NEIL1: variants seen among roughly 807,000 people sequenced by gnomAD.
The protein encoded by NEIL1 is endonuclease 8-like 1.
In NEIL1, 31 loss-of-function variants were observed where a neutral mutation model predicts 44.2. The observed-to-expected ratio is 0.70, with a 90% confidence interval of 0.53 to 0.95. The LOEUF (loss-of-function observed/expected upper bound fraction) is 0.95, where lower values mean the gene tolerates loss of function less well. Among genes scored for constraint, NEIL1 ranks in the 40% least tolerant of loss-of-function variants. The pLI is 0.00. For missense variants in NEIL1, 549 were observed against 515.5 expected, an observed-to-expected ratio of 1.07 and a Z score of -0.63; for synonymous variants, 254 against 209.7, an observed-to-expected ratio of 1.21 and a Z score of -1.83.
chr15:75,348,371 G>GGT (rs1339482628), intron 1 of NEIL1: 1 of 984,884 alleles, frequency 1.0e-6, no homozygotes, highest in Non-Finnish European at 1.2e-6. Context: ...TAAGTGTGGG[G>GGT]GGAGGGGGGC....
Position 75,355,669 on chromosome 15 carries a change from GCACGCACAGGTACCTTAGGAT to G in NEIL1, c.*637_*657del, listed in dbSNP as rs1352299835. ...CTGTGGGGGCTGCAACCCAGACCCT[GCACGCACAGGTACCTTAGGAT>G]CTTGCCCCTACCCACCAAATACCTG... On this transcript the variant is annotated 3_prime_UTR_variant, in exon 10 of 10. Coordinates refer to ENST00000355059, the MANE Select transcript of NEIL1 (RefSeq NM_024608.4). 75 of 514,182 alleles carry G rather than the reference GCACGCACAGGTACCTTAGGAT, an allele frequency of 1.5e-4. No individual in the cohort carries two copies. Among genetic ancestry groups the G allele is most frequent in the African/African-American group, 1.4e-3 (75 of 51,948 alleles). 31.9% of individuals were successfully genotyped at this position (514,182 alleles called of 1,614,324 possible).
Position 75,356,936 on chromosome 15 carries a change from C to T in NEIL1, c.*1902C>T, listed in dbSNP as rs1261286160. 3 of 1,568,776 alleles carry T rather than the reference C, an allele frequency of 1.9e-6. No homozygotes were observed. Among genetic ancestry groups the T allele is most frequent in the Non-Finnish European group, 2.6e-6 (3 of 1,139,788 alleles). Reference sequence around the variant, plus strand: ...CAGATCCAAGACCCACTTGGTGGCCCTGTGCCCCTCTTTGTGCTCCCAGAC... The same window carrying T: ...CAGATCCAAGACCCACTTGGTGGCCTTGTGCCCCTCTTTGTGCTCCCAGAC... On this transcript the variant is annotated 3_prime_UTR_variant, in exon 10 of 10. Transcript: ENST00000355059. The surrounding 1 kb of genome is among the most constrained non-coding windows in gnomAD (Gnocchi z 5.8).
chr15:75,352,638 A>G lies in NEIL1; in HGVS notation c.655A>G (p.Lys219Glu). ...GACCCTGAGCCAGAAGATAAGGACC[A>G]AGCTGCAGAATCCAGACCTGCTGGA... ...ELTLSQKIRTKLQNPDLLELC... is the reference protein window; with the variant it reads ...ELTLSQKIRTELQNPDLLELC... Residue 219 changes from lysine to glutamate, a missense_variant, in exon 5 of 10, where the codon AAG becomes GAG. Transcript: ENST00000355059. 1 of 1,613,492 alleles carries G rather than the reference A, an allele frequency of 6.2e-7. No homozygotes were observed. The highest frequency in any genetic ancestry group is 8.5e-7 in the Non-Finnish European group (1 of 1,179,702).
At chr15:75,354,008 C>A in intron 6 of NEIL1, 142 bp downstream of exon 6, 1 of 1,208,258 alleles carries the variant, frequency 8.3e-7, no homozygotes, top group Non-Finnish European at 1.2e-6. Flanking sequence ...CACACCCCTC[C>A]CCTCCCATGC....
Position 75,349,174 on chromosome 15 carries a change from G to T in NEIL1, c.269G>T (p.Arg90Leu). Residue 90 changes from arginine to leucine, a missense_variant, in exon 2 of 10, where the codon CGC becomes CTC. Arg to Leu is a moderately radical substitution (Grantham distance 102). Transcript: ENST00000355059. ...TCCGGCTCTTTTCAGCTGGTGCCCCGCGAGGAGCTGCCACGCCATGCCCAC... is the reference window on the plus strand; with the variant it reads ...TCCGGCTCTTTTCAGCTGGTGCCCCTCGAGGAGCTGCCACGCCATGCCCAC... ...GMSGSFQLVP[R>L]EELPRHAHLR... The T allele has an allele frequency of 1.2e-6, 2 of 1,609,008 alleles. No individual in the cohort carries two copies. The highest frequency in any genetic ancestry group is 1.7e-6 in the Non-Finnish European group (2 of 1,179,894).
At position 75,352,673 on chromosome 15, in the gene NEIL1, C is replaced by T. The variant is rs547022025; in HGVS notation, c.690C>T (p.His230=). ...ATCCAGACCTGCTGGAGCTATGTCA[C>T]TCAGTGCCCAAGGAAGTGGTCCAGT... ...LQNPDLLELC[H]SVPKEVVQLG... The change falls in exon 5 of 10, where the codon CAC becomes CAT. Residue 230 remains histidine (H), a synonymous_variant. Transcript: ENST00000355059. 31 of 1,612,848 alleles carry T rather than the reference C, an allele frequency of 1.9e-5. No individual in the cohort carries two copies. The South Asian group carries it at 3.4e-4, about 18-fold the overall frequency.
rs746371504 is a variant in NEIL1 at position 75,356,402 on chromosome 15, A to T, written c.*1368A>T. The T allele has an allele frequency of 3.7e-6, 6 of 1,610,598 alleles. No individual in the cohort carries two copies. The highest frequency in any genetic ancestry group is 4.2e-6 in the Non-Finnish European group (5 of 1,178,824). On this transcript the variant is annotated 3_prime_UTR_variant, in exon 10 of 10. Coordinates refer to ENST00000355059, the MANE Select transcript of NEIL1 (RefSeq NM_024608.4). This position sits in a 1 kb window ranked among gnomAD's most constrained non-coding sequence, Gnocchi z 5.8. ...GGGGCTGGCAGAGCCAACAGGGGGA[A>T]GTTTAGGCTGTAGGCAGCTTGGATA...
chr15:75,347,878 G>A, intron 1 of NEIL1: 4 of 1,204,496 alleles, frequency 3.3e-6, no homozygotes, highest in Non-Finnish European at 4.3e-6. Flanking sequence ...CCCTGTGGGT[G>A]CCAGGCCAGG....
At chr15:75,353,250 C>T (rs568523399) in intron 5 of NEIL1, 32 of 251,592 alleles carry the variant, frequency 1.3e-4, no homozygotes, top group African/African-American at 6.2e-4. Context: ...CACACACACA[C>T]GCACGTTTAT....
In NEIL1 at chr15:75,353,624, CCT is replaced by C. The variant is rs5745925; in HGVS notation, c.719-114_719-113del. The C allele has an allele frequency of 0.068, 77,138 of 1,130,302 alleles. 3,069 individuals carry two copies. The highest frequency in any genetic ancestry group is 0.081 in the Non-Finnish European group (60,078 of 741,546). 70.0% of individuals were successfully genotyped at this position (1,130,302 alleles called of 1,614,324 possible). ...TCACCAGAGGAGGGAGAGTGTGGCC[CCT>C]GACTCAGTCCATCAGCTTGTGTAGC... is the stretch of plus-strand genomic sequence containing the variant. On this transcript the variant is annotated intron_variant, in intron 5 of 9. Coordinates refer to ENST00000355059, the MANE Select transcript of NEIL1 (RefSeq NM_024608.4).
At chr15:75,347,544 G>A (rs2071535723) in intron 1 of NEIL1, 71 bp downstream of exon 1, 1 of 153,048 alleles carries the variant, frequency 6.5e-6, no homozygotes, top group Non-Finnish European at 1.5e-5. Flanking sequence ...GAAGAATCGC[G>A]ACCGCTTCCC....
At position 75,356,078 on chromosome 15, in the gene NEIL1, G is replaced by A. The variant is rs186846962; in HGVS notation, c.*1044G>A. ...TGAAGGCTCTGCGAGGGCGAGACTCGACCCCCGCCCCAATCCCACACCGCC... is the reference window on the plus strand; with the variant it reads ...TGAAGGCTCTGCGAGGGCGAGACTCAACCCCCGCCCCAATCCCACACCGCC... On this transcript the variant is annotated 3_prime_UTR_variant, in exon 10 of 10. Coordinates refer to ENST00000355059, the MANE Select transcript of NEIL1 (RefSeq NM_024608.4). This position sits in a 1 kb window ranked among gnomAD's most constrained non-coding sequence, Gnocchi z 5.8. The A allele has an allele frequency of 3.7e-5, 59 of 1,613,304 alleles. No homozygotes were observed. Among genetic ancestry groups the A allele is most frequent in the African/African-American group, 2.1e-4 (16 of 75,018 alleles).
intron 5 of NEIL1, chr15:75,353,094 A>G: frequency 5.1e-6 from 1 of 194,372 alleles, no homozygotes. Context: ...TTGAGCTGAG[A>G]TCGTGCCATT....
chr15:75,354,635 C>G lies in NEIL1; in HGVS notation c.937-18C>G. On this transcript the variant is annotated intron_variant, in intron 8 of 9. Transcript: ENST00000355059. ...CTGCTTTCTGAGCCCCTCAGGGACC[C>G]GTGTCTCCTCCATCCAGGACGCTTT... The G allele has an allele frequency of 6.2e-7, 1 of 1,614,026 alleles. No homozygotes were observed. The highest frequency in any genetic ancestry group is 8.5e-7 in the Non-Finnish European group (1 of 1,179,974).
chr15:75,355,598 A>T lies in NEIL1; in HGVS notation c.*564A>T. On this transcript the variant is annotated 3_prime_UTR_variant, in exon 10 of 10. Transcript: ENST00000355059. ...GCACAGGGGAGGGGCTTCTCAACTCATGGTCTCTTCACTGGCTTTTGGTGG... is the reference window on the plus strand; with the variant it reads ...GCACAGGGGAGGGGCTTCTCAACTCTTGGTCTCTTCACTGGCTTTTGGTGG... The T allele has an allele frequency of 3.1e-6, 1 of 324,494 alleles. No homozygotes were observed. The highest frequency in any genetic ancestry group is 5.8e-6 in the Non-Finnish European group (1 of 172,910). The allele number at this position is 324,494 out of a possible 1,614,324, so 20.1% of individuals were successfully genotyped here.
At chr15:75,354,331 C>A in intron 7 of NEIL1, 54 bp downstream of exon 7, 1 of 1,611,192 alleles carries the variant, frequency 6.2e-7, no homozygotes. Context: ...TTCACGCCTG[C>A]AAGGGCTACA....
rs3803467 is a variant in NEIL1, at chr15:75,356,339, C to A, written c.*1305C>A. 2 of 1,612,374 alleles carry A rather than the reference C, an allele frequency of 1.2e-6. No individual in the cohort carries two copies. Among genetic ancestry groups the A allele is most frequent in the African/African-American group, 1.3e-5 (1 of 74,840 alleles). On this transcript the variant is annotated 3_prime_UTR_variant, in exon 10 of 10. Transcript: ENST00000355059. The surrounding 1 kb of genome is among the most constrained non-coding windows in gnomAD (Gnocchi z 5.8). ...TCCAATACGACCGCGGGTGAAGACACGGAAAACGCACTCCAGGAGGTGGCG... is the reference window on the plus strand; with the variant it reads ...TCCAATACGACCGCGGGTGAAGACAAGGAAAACGCACTCCAGGAGGTGGCG...
intron 1 of NEIL1, chr15:75,348,022 C>T (rs1243913382): frequency 3.4e-6 from 4 of 1,173,954 alleles, no homozygotes; most frequent in African/African-American, 3.2e-5. Context: ...GCAGGGAGGG[C>T]GGAGGTGAGG....
chr15:75,349,307 G>A lies in NEIL1; in HGVS notation c.402G>A (p.Gly134=). ...GGGGAAAGTGGCAGCCGGGCCGCGG[G>A]CCCTGTGTCTTGCAGGAGTACCAGC... The part of the protein sequence containing the change: ...DLGGKWQPGR[G]PCVLQEYQQF... The change falls in exon 2 of 10, where the codon GGG becomes GGA. Residue 134 remains glycine, a synonymous_variant. Coordinates refer to ENST00000355059, the MANE Select transcript of NEIL1 (RefSeq NM_024608.4). 6.2e-7 allele frequency: 1 copy of A among 1,610,032 alleles called. No homozygotes were observed. Among genetic ancestry groups the A allele is most frequent in the Non-Finnish European group, 8.5e-7 (1 of 1,178,642 alleles).
Sources: allele counts gnomAD v4.1 joint callset, GRCh38; gene constraint gnomAD v4.1.1; non-coding constraint Gnocchi (gnomAD v3.1); transcripts MANE v1.5; gene names NCBI Gene and HGNC (gene_info 2026-07-23, HGNC 2026-07-21).